Variants in PREX1 observed in about 807,000 individuals in gnomAD.
PREX1 encodes the protein phosphatidylinositol-3,4,5-trisphosphate dependent Rac exchange factor 1.
Under a neutral mutation model 198.3 loss-of-function variants are expected in PREX1, and 41 were observed. The observed-to-expected ratio is 0.21, with a 90% CI of 0.16 to 0.27. The LOEUF is 0.27. PREX1 is among the 10% of genes least tolerant of loss of function. The pLI is 1.00. For missense variants in PREX1, 1,620 were observed against 2,200.7 expected (o/e 0.74, Z 5.28); for synonymous variants, 843 against 887.2 (o/e 0.95, Z 0.89).
chr20:48,642,362 C>T (rs779040489), intron 28 of PREX1, 45 bp downstream of exon 28: 1 of 1,605,352 alleles, frequency 6.2e-7, no homozygotes, highest in South Asian at 1.1e-5. Flanking sequence ...CCAGGTGTGA[C>T]AGGAGGAACC....
intron 11 of PREX1, among the ~76,000 whole-genome samples, chr20:48,680,465 C>T (rs907257139): frequency 4.6e-5 from 7 of 152,176 alleles, no homozygotes; most frequent in African/African-American, 1.4e-4. Flanking sequence ...AAGCCAAAGA[C>T]CCTACAATTC....
intron 7 of PREX1, among the ~76,000 whole-genome samples, chr20:48,697,002 A>ACACACACACACC (rs1348724199): frequency 4.1e-4 from 60 of 146,160 alleles, no homozygotes; most frequent in African/African-American, 1.5e-3. Context: ...ACACACACAC[A>ACACACACACACC]CCCTATTGGG....
chr20:48,651,583 G>T lies in PREX1; in HGVS notation c.2468C>A (p.Ala823Asp), dbSNP rs142986821. The change falls in exon 22 of 40, where the codon GCC (alanine) becomes GAC (aspartate). Residue 823 changes from alanine (A) to aspartate (D), a missense_variant and splice_region_variant. Physicochemically the swap from Ala to Asp is moderately radical, Grantham distance 126. Transcript: ENST00000371941. ...GGGACCCAGGGACAGCAGTGGGAAG[G>T]CTGGAAGCCAAAAGAGGTGACATCT... is the stretch of plus-strand genomic sequence containing the variant. Reference protein sequence around the residue: ...QAQEEDQADSAFPLLSLGPRL... With the variant: ...QAQEEDQADSDFPLLSLGPRL... The T allele has an allele frequency of 5.8e-5, 94 of 1,612,322 alleles. No homozygotes were observed. The African/African-American group carries it at 8.9e-4, about 15-fold the overall frequency.
intron 1 of PREX1, among the ~76,000 whole-genome samples, chr20:48,817,010 G>A (rs940119806): frequency 2.0e-5 from 3 of 152,088 alleles, no homozygotes; most frequent in African/African-American, 7.3e-5. Context: ...ACCCTCTCTG[G>A]GCCTCAGTTT....
intron 1 of PREX1, among the ~76,000 whole-genome samples, chr20:48,791,392 C>T (rs140439046): frequency 2.2e-4 from 33 of 152,278 alleles, no homozygotes; most frequent in Admixed American, 4.6e-4. Context: ...TATTATTACC[C>T]GTTTCATAGC....
In PREX1 at chr20:48,784,660, C is replaced by T. The variant is rs532911359; in HGVS notation, c.220-36780G>A. ...GCCCCTTTTCTGGGGGTCAAGAAGC[C>T]GACCTGCCCACAGGAACTGGGAGCC... On this transcript the variant is annotated intron_variant, in intron 1 of 39. Transcript: ENST00000371941. Among the ~76,000 whole-genome samples the T allele has an allele frequency of 3.9e-5, 6 of 152,302 alleles. No homozygotes were observed. In the South Asian group the frequency reaches 8.3e-4, roughly 21 times the overall value.
the PREX1 span, among the ~76,000 whole-genome samples, chr20:48,873,044 A>C: frequency 6.6e-6 from 1 of 151,984 alleles, no homozygotes; most frequent in African/African-American, 2.4e-5. Flanking sequence ...TTGCTCATGG[A>C]TCTGTGGATT....
intron 38 of PREX1, 78 bp from the exon 39 acceptor site, chr20:48,627,693 G>A: frequency 1.3e-6 from 2 of 1,494,534 alleles, no homozygotes; most frequent in African/African-American, 1.4e-5. Context: ...GTGGGGGTGG[G>A]GCCCAGAAGC....
At chr20:48,737,215 CAAAAAAAAAAAAAAAA>C (rs140010281) in intron 3 of PREX1, among the ~76,000 whole-genome samples, 7 of 35,264 alleles carry the variant, frequency 2.0e-4, no homozygotes, top group East Asian at 1.9e-3. Context: ...GTTTTGACAG[CAAAAAAAAAAAAAAAA>C]AAAAAAAAAA....
intron 19 of PREX1, among the ~76,000 whole-genome samples, chr20:48,654,913 G>A (rs1410415782): frequency 5.9e-5 from 9 of 152,220 alleles, no homozygotes; most frequent in Non-Finnish European, 1.2e-4. Flanking sequence ...GAAGTATTGC[G>A]GCAGAGCCCC....
At chr20:48,655,165 A>C in intron 19 of PREX1, 125 bp downstream of exon 19, 1 of 1,052,238 alleles carries the variant, frequency 9.5e-7, no homozygotes, top group Non-Finnish European at 1.4e-6. Context: ...TCAGGCAAAG[A>C]AAATAAGTGC....
intron 4 of PREX1, among the ~76,000 whole-genome samples, chr20:48,726,654 C>T (rs541762607): frequency 5.9e-5 from 9 of 152,280 alleles, no homozygotes; most frequent in South Asian, 2.1e-4. Flanking sequence ...CAAGCTACAA[C>T]GGCAGAGCTG....
At chr20:48,708,080 T>C (rs1386929283) in intron 6 of PREX1, among the ~76,000 whole-genome samples, 180 bp downstream of exon 6, 2 of 152,222 alleles carry the variant, frequency 1.3e-5, no homozygotes, top group Non-Finnish European at 2.9e-5. Flanking sequence ...TAAGAGAAAC[T>C]TGAAATGCAA....
At chr20:48,868,316 C>T in the PREX1 span, among the ~76,000 whole-genome samples, 1 of 151,930 alleles carries the variant, frequency 6.6e-6, no homozygotes, top group Non-Finnish European at 1.5e-5. Context: ...TACAGGAAAA[C>T]ACTTAATTTT....
the PREX1 span, among the ~76,000 whole-genome samples, chr20:48,863,619 G>A: frequency 2.5e-5 from 3 of 122,224 alleles, no homozygotes; most frequent in Admixed American, 1.1e-4. Context: ...ACACAGTCTC[G>A]CTCTGTCGCC....
At chr20:48,737,435 G>A (rs1244854181) in intron 3 of PREX1, among the ~76,000 whole-genome samples, 1 of 152,136 alleles carries the variant, frequency 6.6e-6, no homozygotes. Context: ...GTTTTCATCT[G>A]TTGAGGTCAC....
At chr20:48,819,765 G>T (rs2090475906) in intron 1 of PREX1, among the ~76,000 whole-genome samples, 1 of 152,246 alleles carries the variant, frequency 6.6e-6, no homozygotes, top group Non-Finnish European at 1.5e-5. Flanking sequence ...CCTGAGGGCA[G>T]AGACCTTGTC....
intron 3 of PREX1, among the ~76,000 whole-genome samples, chr20:48,737,041 G>A (rs541647825): frequency 1.7e-4 from 26 of 152,146 alleles, no homozygotes; most frequent in African/African-American, 3.1e-4. Context: ...GGATTGGCAG[G>A]TGAATTTATA....
intron 4 of PREX1, among the ~76,000 whole-genome samples, chr20:48,732,147 A>T (rs1445225597): frequency 6.6e-6 from 1 of 152,252 alleles, no homozygotes; most frequent in Non-Finnish European, 1.5e-5. Context: ...AAGTGCAAAC[A>T]TGGAAATGTG....
Sources: allele counts gnomAD v4.1 joint callset (sites outside exome capture counted in the v4.1 genomes callset), GRCh38; gene constraint gnomAD v4.1.1; transcripts MANE v1.5; gene names NCBI Gene and HGNC (gene_info 2026-07-23, HGNC 2026-07-21).